The following CIZ1 variants were observed in gnomAD, a reference collection of about 807,000 sequenced individuals.
The protein encoded by CIZ1 is CDKN1A interacting zinc finger protein 1.
CIZ1 carries 58 observed loss-of-function variants against 118.6 expected under a neutral mutation model. That is an observed-to-expected ratio of 0.49 (90% CI 0.40 to 0.61). The LOEUF (loss-of-function observed/expected upper bound fraction) is 0.61. Among genes scored for constraint, CIZ1 ranks in the 20% least tolerant of loss-of-function variants. The probability of loss-of-function intolerance (pLI) is 0.00; values close to 1 mark genes in which losing one functional copy is unlikely to be tolerated. For synonymous variants in CIZ1, 448 were observed against 443.4 expected (o/e 1.01, Z -0.13); for missense variants, 921 against 1,115.9 (o/e 0.83, Z 2.49).
intron 4 of CIZ1, among the ~76,000 whole-genome samples, chr9:128,186,245 T>C (rs1273965654): frequency 2.6e-5 from 4 of 151,964 alleles, no homozygotes; most frequent in East Asian, 1.9e-4. Context: ...GCCCAGCAGG[T>C]TTCAGGGTGG....
intron 11 of CIZ1, among the ~76,000 whole-genome samples, chr9:128,172,147 CAAAAAAAAA>C (rs58895140): frequency 1.9e-4 from 13 of 69,170 alleles, no homozygotes; most frequent in African/African-American, 7.6e-4. Flanking sequence ...GACACTGTCT[CAAAAAAAAA>C]AAAAAAAAAA....
chr9:128,178,608 C>T, intron 8 of CIZ1, 101 bp downstream of exon 8: 1 of 1,585,214 alleles, frequency 6.3e-7, no homozygotes, highest in Non-Finnish European at 8.6e-7. Context: ...GGGTTCCAGG[C>T]CTAGCCCTCA....
chr9:128,177,863 G>A, intron 9 of CIZ1, 100 bp from the exon 10 acceptor site: 2 of 821,924 alleles, frequency 2.4e-6, no homozygotes, highest in Non-Finnish European at 3.7e-6. Context: ...AGATCTTCCT[G>A]ATGATAGGGA....
At position 128,170,739 on chromosome 9, in the gene CIZ1, A is replaced by G. The variant is rs10987906; in HGVS notation, c.1944-632T>C. 2.2e-3 allele frequency among the ~76,000 whole-genome samples: 328 copies of G among 152,374 alleles called. 8 individuals carry two copies. The East Asian group carries it at 0.041, about 19-fold the overall frequency. ...ATTATGTCAGAACAATTTGTTGTCT[A>G]CTTGGAGAAGAAACGCCTTCTGCTT... On this transcript the variant is annotated intron_variant, in intron 11 of 16. Transcript: ENST00000372938.
intron 11 of CIZ1, among the ~76,000 whole-genome samples, chr9:128,175,454 C>A (rs1013789695): frequency 6.6e-6 from 1 of 152,120 alleles, no homozygotes; most frequent in African/African-American, 2.4e-5. Context: ...CCTGCCCTTG[C>A]AGAGCGAGAG....
chr9:128,191,524 C>T lies in CIZ1; in HGVS notation c.-98G>A. The T allele has an allele frequency of 9.8e-7, 1 of 1,016,606 alleles. No individual in the cohort carries two copies. The highest frequency in any genetic ancestry group is 4.6e-5 in the South Asian group (1 of 21,720). 63.0% of individuals were successfully genotyped at this position (1,016,606 alleles called of 1,614,324 possible). A position where few individuals can be genotyped will look rare whatever the true frequency, so the allele number is the denominator to read the frequency against. On this transcript the variant is annotated 5_prime_UTR_variant, in exon 1 of 17. Transcript: ENST00000372938. The surrounding 1 kb of genome is among the most constrained non-coding windows in gnomAD (Gnocchi z 5.5). ...GCCTCGGCCGGGCGGCTCCGGCCCG[C>T]GGGCTCCCGGCCTCCCCGCTGCTAC...
chr9:128,180,821 C>T lies in CIZ1; in HGVS notation c.589-7G>A, dbSNP rs767703175. Reference sequence around the variant, plus strand: ...TTGTCTGAGAAGAAGAATCCTGCTTCCTTTCAGAAACTATGTTGACATCCA... The same window carrying T: ...TTGTCTGAGAAGAAGAATCCTGCTTTCTTTCAGAAACTATGTTGACATCCA... On this transcript the variant is annotated splice_polypyrimidine_tract_variant and splice_region_variant and intron_variant, in intron 5 of 16. Transcript: ENST00000372938. 1 of 1,602,834 alleles carries T rather than the reference C, an allele frequency of 6.2e-7. No individual in the cohort carries two copies.
intron 5 of CIZ1, among the ~76,000 whole-genome samples, chr9:128,183,467 A>C (rs1306246970): frequency 1.3e-5 from 2 of 152,244 alleles, no homozygotes. Context: ...CCTTACCTCC[A>C]GAAGTGGCCC....
chr9:128,188,665 G>A (rs1484667121), intron 3 of CIZ1, among the ~76,000 whole-genome samples: 1 of 151,264 alleles, frequency 6.6e-6, no homozygotes, highest in Non-Finnish European at 1.5e-5. Flanking sequence ...AAAGGGTCTC[G>A]CTCTGTCACC....
Position 128,172,135 on chromosome 9 carries a change from G to A in CIZ1, c.1944-2028C>T, listed in dbSNP as rs147420119. 5.3e-3 allele frequency among the ~76,000 whole-genome samples: 579 copies of A among 109,298 alleles called. 4 individuals are homozygous for A. Among genetic ancestry groups the A allele is most frequent in the South Asian group, 0.037 (109 of 2,942 alleles). The allele number at this position is 109,298 out of a possible 152,430, so 71.7% of individuals were successfully genotyped here. On this transcript the variant is annotated intron_variant, in intron 11 of 16. Coordinates refer to ENST00000372938, the MANE Select transcript of CIZ1 (RefSeq NM_001131016.2). ...TACGCTCCAGCCTGGGTGACAGAGTGAGACACTGTCTCAAAAAAAAAAAAA... is the reference window on the plus strand; with the variant it reads ...TACGCTCCAGCCTGGGTGACAGAGTAAGACACTGTCTCAAAAAAAAAAAAA...
At chr9:128,175,253 T>A (rs943847541) in intron 11 of CIZ1, among the ~76,000 whole-genome samples, 2 of 152,220 alleles carry the variant, frequency 1.3e-5, no homozygotes, top group African/African-American at 4.8e-5. Flanking sequence ...GACGGGCTTT[T>A]TCATCATCTA....
At chr9:128,167,071 G>A (rs1357537649) in intron 15 of CIZ1, 24 bp downstream of exon 15, 1 of 1,587,938 alleles carries the variant, frequency 6.3e-7, no homozygotes, top group African/African-American at 1.3e-5. Context: ...GCTCCTGCAG[G>A]TGGGCTCAGA....
intron 2 of CIZ1, 70 bp downstream of exon 2, chr9:128,190,618 G>C: frequency 1.3e-6 from 2 of 1,512,298 alleles, no homozygotes; most frequent in Non-Finnish European, 8.9e-7. Context: ...AAAAGGATGG[G>C]GATCGGGAGC....
chr9:128,198,561 C>T (rs897683058), intron 1 of CIZ1, among the ~76,000 whole-genome samples: 13 of 152,166 alleles, frequency 8.5e-5, no homozygotes, highest in Admixed American at 2.0e-4. Context: ...TGGCCAGGCA[C>T]GGTGGCTCAT....
At position 128,202,378 on chromosome 9, in the gene CIZ1, C is replaced by T. The variant is rs559141930; in HGVS notation, c.-6+1808G>A. Among the ~76,000 whole-genome samples the T allele has an allele frequency of 4.6e-5, 7 of 152,242 alleles. No homozygotes were observed. The South Asian group carries it at 1.4e-3, about 32-fold the overall frequency. On this transcript the variant is annotated intron_variant, in intron 1 of 17. Transcript: ENST00000372948. Reference sequence around the variant, plus strand: ...CATGGTCTGTCTGTGTGAAAGGGTACGCAGGGTAGGATTGTAGGAGCCCTG... The same window carrying T: ...CATGGTCTGTCTGTGTGAAAGGGTATGCAGGGTAGGATTGTAGGAGCCCTG...
At position 128,178,913 on chromosome 9, in the gene CIZ1, A is replaced by G; in HGVS notation, c.1294T>C (p.Tyr432His). 6.2e-7 allele frequency: 1 copy of G among 1,614,036 alleles called. No individual in the cohort carries two copies. The highest frequency in any genetic ancestry group is 8.5e-7 in the Non-Finnish European group (1 of 1,180,010). The change falls in exon 8 of 17, where the codon TAT becomes CAT. Residue 432 changes from tyrosine (Y) to histidine (H), a missense_variant. Physicochemically the swap from Tyr to His is moderately conservative, Grantham distance 83. Coordinates refer to ENST00000372938, the MANE Select transcript of CIZ1 (RefSeq NM_001131016.2). ...QLQKQVQTQT[Y>H]PQVHTQAQPS... ...TGTGCCTGTGTGTGGACCTGTGGAT[A>G]TGTCTGTGTCTGGACCTGCTTCTGC... is the stretch of plus-strand genomic sequence containing the variant.
Position 128,169,045 on chromosome 9 carries a change from C to G in CIZ1, c.2295+7G>C, listed in dbSNP as rs373309807. On this transcript the variant is annotated splice_region_variant and intron_variant, in intron 14 of 16. Coordinates refer to ENST00000372938, the MANE Select transcript of CIZ1 (RefSeq NM_001131016.2). ...CAAGCCCGCCTCCCACACCCTCCCC[C>G]CAGCACCTGCTTGCAGAGTTCCTCC... 1.3e-5 allele frequency: 21 copies of G among 1,613,946 alleles called. No individual in the cohort carries two copies. In the African/African-American group the frequency reaches 2.4e-4, roughly 18 times the overall value.
chr9:128,196,547 C>CA (rs961649187), upstream of CIZ1, among the ~76,000 whole-genome samples: 977 of 96,848 alleles, frequency 0.01, 5 homozygotes, highest in African/African-American at 0.025. Flanking sequence ...GACCCTGTCT[C>CA]AAAAAAAAAA....
In CIZ1 at chr9:128,166,825, G is replaced by C; in HGVS notation, c.2421C>G (p.Phe807Leu). 1 of 1,614,216 alleles carries C rather than the reference G, an allele frequency of 6.2e-7. No individual in the cohort carries two copies. Among genetic ancestry groups the C allele is most frequent in the Admixed American group, 1.7e-5 (1 of 60,030 alleles). The change falls in exon 16 of 17, where the codon TTC becomes TTG. Residue 807 changes from phenylalanine to leucine, a missense_variant. Phe to Leu is a conservative substitution (Grantham distance 22). Coordinates refer to ENST00000372938, the MANE Select transcript of CIZ1 (RefSeq NM_001131016.2). The surrounding 1 kb of genome is among the most constrained non-coding windows in gnomAD (Gnocchi z 4.4). ...MGYICRICHK[F>L]YHSNSGAQLS... ...GCTGTGCCCCTGAGTTGCTGTGATA[G>C]AACTTGTGGCAGATGCGGCAGATAT...
Sources: gnomAD v4.1 joint callset for allele counts (sites outside exome capture counted in the v4.1 genomes callset) on GRCh38, gnomAD v4.1.1 for gene constraint, Gnocchi (gnomAD v3.1) non-coding constraint, MANE v1.5 for transcripts, NCBI Gene and HGNC (gene_info 2026-07-23, HGNC 2026-07-21) for gene names.